The following CPNE9 variants were observed in gnomAD, a reference collection of about 807,000 sequenced individuals.
CPNE9 encodes the protein copine family member 9, also known as copine-9.
In CPNE9, 59 loss-of-function variants were observed where a neutral mutation model predicts 83.0. The ratio of observed to expected loss-of-function variants is 0.71; its 90% CI spans 0.58 to 0.88. The LOEUF is 0.88. Among genes scored for constraint, CPNE9 ranks in the 40% least tolerant of loss-of-function variants. The pLI is 0.00. For synonymous variants in CPNE9, 256 were observed against 273.4 expected (o/e 0.94, Z 0.63); for missense variants, 619 against 720.8 (o/e 0.86, Z 1.62).
At chr3:9,722,137 G>A (rs191435797) in intron 17 of CPNE9, among the ~76,000 whole-genome samples, 1 of 150,336 alleles carries the variant, frequency 6.7e-6, no homozygotes, top group Admixed American at 6.6e-5. Context: ...GGCTGGTCTC[G>A]AACTCCTGAC....
chr3:9,717,155 G>A, intron 15 of CPNE9, 51 bp downstream of exon 15: 1 of 1,581,936 alleles, frequency 6.3e-7, no homozygotes, highest in South Asian at 1.1e-5. Flanking sequence ...ACTTCTAAGG[G>A]AGTCATTAGG....
At chr3:9,705,438 C>T in intron 4 of CPNE9, 26 bp from the exon 5 acceptor site, 1 of 1,491,212 alleles carries the variant, frequency 6.7e-7, no homozygotes, top group Non-Finnish European at 9.2e-7. Context: ...CAGCCCCACC[C>T]CACACCGGTT....
rs553254774 is a variant in CPNE9, at chr3:9,723,918, T to C, written c.1242-2031T>C. 2.0e-4 allele frequency among the ~76,000 whole-genome samples: 30 copies of C among 152,340 alleles called. No individual in the cohort carries two copies. In the East Asian group the frequency reaches 5.8e-3, roughly 29 times the overall value. On this transcript the variant is annotated intron_variant, in intron 17 of 20. Coordinates refer to ENST00000383832, the MANE Select transcript of CPNE9 (RefSeq NM_153635.3). ...TTGAGATCAGGTTTCAATACAGTAC[T>C]GTCCAATAGCACTTTCTGCAATGAT...
At chr3:9,721,684 A>G (rs1319495492) in intron 17 of CPNE9, among the ~76,000 whole-genome samples, 1 of 152,194 alleles carries the variant, frequency 6.6e-6, no homozygotes, top group Non-Finnish European at 1.5e-5. Context: ...CAGAGGCATG[A>G]AGGGGCAAGT....
chr3:9,729,519 C>T lies in CPNE9; in HGVS notation c.1489C>T (p.Arg497Ter). 1.2e-6 allele frequency: 2 copies of T among 1,612,980 alleles called. No homozygotes were observed. Among genetic ancestry groups the T allele is most frequent in the African/African-American group, 1.3e-5 (1 of 74,974 alleles). ...GTGCCTGACCCAGTTCGTCCCATTC[C>T]GAGACTATGTTGACCGGTCGGGGAA... is the stretch of plus-strand genomic sequence containing the variant. ...ERDIVQFVPF[R>*]DYVDRSGNQV... Residue 497 changes from arginine to a stop codon, truncating the protein, a stop_gained, in exon 21 of 21, where the codon CGA becomes TGA. Transcript: ENST00000383832. LOFTEE classifies it high-confidence loss of function.
At position 9,703,991 on chromosome 3, in the gene CPNE9, C is replaced by T. The variant is rs770449144; in HGVS notation, c.-6C>T. The T allele has an allele frequency of 7.5e-6, 12 of 1,602,508 alleles. No homozygotes were observed. Among genetic ancestry groups the T allele is most frequent in the Admixed American group, 6.7e-5 (4 of 59,538 alleles). On this transcript the variant is annotated 5_prime_UTR_variant, in exon 1 of 21. Transcript: ENST00000383832. ...GCCTCCTGCGGCTCTGGTCGCCCGA[C>T]CAGCCATGTCTCTCGGCGGAGCCTC...
At chr3:9,727,290 C>T (rs983713108) in intron 20 of CPNE9, 104 bp downstream of exon 20, 3 of 1,194,048 alleles carry the variant, frequency 2.5e-6, no homozygotes, top group South Asian at 2.4e-5. Flanking sequence ...CTACTTTTTT[C>T]CCCCGTCACT....
intron 17 of CPNE9, among the ~76,000 whole-genome samples, chr3:9,719,307 T>G (rs2076713279): frequency 6.6e-6 from 1 of 152,172 alleles, no homozygotes; most frequent in Non-Finnish European, 1.5e-5. Context: ...GGGATGACTG[T>G]ACCTTATTAT....
rs1481943656 is a variant in CPNE9 at position 9,715,304 on chromosome 3, T to C, written c.708T>C (p.Gly236=). ...CTCATTGCAGCCACGATTTCATTGG[T>C]GAGTTCACCACCAGCTACCGGGAGC... ...WDRDGSHDFI[G]EFTTSYRELS... Residue 236 remains glycine (G), a synonymous_variant, in exon 12 of 21, where the codon GGT becomes GGC. Coordinates refer to ENST00000383832, the MANE Select transcript of CPNE9 (RefSeq NM_153635.3). 1 of 1,613,802 alleles carries C rather than the reference T, an allele frequency of 6.2e-7. No individual in the cohort carries two copies. Among genetic ancestry groups the C allele is most frequent in the East Asian group, 2.2e-5 (1 of 44,882 alleles).
chr3:9,716,921 C>A, intron 14 of CPNE9, 137 bp from the exon 15 acceptor site: 1 of 874,808 alleles, frequency 1.1e-6, no homozygotes, highest in Non-Finnish European at 1.8e-6. Flanking sequence ...GTTTGTTAGG[C>A]TCTACCCAGA....
At chr3:9,705,959 G>C (rs1314930987) in intron 6 of CPNE9, 28 bp from the exon 7 acceptor site, 6 of 1,609,524 alleles carry the variant, frequency 3.7e-6, no homozygotes, top group Non-Finnish European at 3.4e-6. Context: ...AAGAGCTTCT[G>C]GTCTTGCTGA....
chr3:9,725,622 AT>A (rs1432966728), intron 17 of CPNE9, among the ~76,000 whole-genome samples: 1 of 88,504 alleles, frequency 1.1e-5, no homozygotes, highest in African/African-American at 8.1e-5. Flanking sequence ...ATACATGTGT[AT>A]ATATATGTAT....
intron 7 of CPNE9, among the ~76,000 whole-genome samples, chr3:9,709,769 C>T (rs1481030206): frequency 1.3e-5 from 2 of 151,764 alleles, no homozygotes; most frequent in Non-Finnish European, 2.9e-5. Flanking sequence ...GCAGGTGTAT[C>T]ACCTGAGGTC....
chr3:9,727,250 G>A, intron 20 of CPNE9, 64 bp downstream of exon 20: 2 of 1,564,972 alleles, frequency 1.3e-6, no homozygotes, highest in South Asian at 2.2e-5. Context: ...TAAGTTGGGA[G>A]CCACTTTCAC....
Position 9,704,568 on chromosome 3 carries a change from G to C in CPNE9, c.69-19G>C. ...GACTCCAGGATGATCCACTCTGTCT[G>C]TCTGTTGCTTTTCTCTAGGAACCTG... On this transcript the variant is annotated intron_variant, in intron 1 of 20. Coordinates refer to ENST00000383832, the MANE Select transcript of CPNE9 (RefSeq NM_153635.3). The surrounding 1 kb of genome is among the most constrained non-coding windows in gnomAD (Gnocchi z 7.1). 1.2e-6 allele frequency: 2 copies of C among 1,610,528 alleles called. No homozygotes were observed. The highest frequency in any genetic ancestry group is 2.2e-5 in the South Asian group (2 of 91,006).
chr3:9,727,548 G>T, intron 20 of CPNE9: 1 of 621,852 alleles, frequency 1.6e-6, no homozygotes, highest in Non-Finnish European at 2.9e-6. Flanking sequence ...GTCAGGAAAG[G>T]GTTCTTTAGC....
rs201939446 is a variant in CPNE9 at position 9,724,188 on chromosome 3, C to CTTT, written c.1242-1746_1242-1744dup. Among the ~76,000 whole-genome samples the CTTT allele has an allele frequency of 2.1e-4, 29 of 136,432 alleles. No homozygotes were observed. The South Asian group carries it at 5.5e-3, about 26-fold the overall frequency. 89.5% of individuals were successfully genotyped at this position (136,432 alleles called of 152,430 possible). A position where few individuals can be genotyped will look rare whatever the true frequency, so the allele number is the denominator to read the frequency against. On this transcript the variant is annotated intron_variant, in intron 17 of 20. Coordinates refer to ENST00000383832, the MANE Select transcript of CPNE9 (RefSeq NM_153635.3). ...CACTACCTTTGTGCCCTCTCTAGGT[C>CTTT]TTTTTTTTTTTTTTTTTGAATATGC...
In CPNE9 at chr3:9,716,016, G is replaced by A. The variant is rs1559641295; in HGVS notation, c.865G>A (p.Val289Ile). ...CTCTGTGGACTCTGAATTCACTTTT[G>A]TTGATTACATCAAGGGAGGGTGAGT... ...SFSVDSEFTF[V>I]DYIKGGTQLN... Residue 289 changes from valine (V) to isoleucine (I), a missense_variant, in exon 14 of 21, where the codon GTT (valine) becomes ATT (isoleucine). Val to Ile is a conservative substitution (Grantham distance 29). Coordinates refer to ENST00000383832, the MANE Select transcript of CPNE9 (RefSeq NM_153635.3). The A allele has an allele frequency of 1.2e-6, 2 of 1,610,758 alleles. No individual in the cohort carries two copies. The highest frequency in any genetic ancestry group is 1.7e-5 in the Admixed American group (1 of 59,670).
At position 9,715,328 on chromosome 3, in the gene CPNE9, G is replaced by A; in HGVS notation, c.732G>A (p.Glu244=). ...FIGEFTTSYR[E]LSKAQNQFTV... Reference sequence around the variant, plus strand: ...GTGAGTTCACCACCAGCTACCGGGAGCTGAGCAAGGCCCAGAACCAGTTCA... The same window carrying A: ...GTGAGTTCACCACCAGCTACCGGGAACTGAGCAAGGCCCAGAACCAGTTCA... The change falls in exon 12 of 21, where the codon GAG becomes GAA. Residue 244 remains glutamate, a synonymous_variant. Coordinates refer to ENST00000383832, the MANE Select transcript of CPNE9 (RefSeq NM_153635.3). 7 of 1,614,238 alleles carry A rather than the reference G, an allele frequency of 4.3e-6. No homozygotes were observed. The highest frequency in any genetic ancestry group is 5.9e-6 in the Non-Finnish European group (7 of 1,180,052).
Sources: allele counts gnomAD v4.1 joint callset (sites outside exome capture counted in the v4.1 genomes callset), GRCh38; gene constraint gnomAD v4.1.1; non-coding constraint Gnocchi (gnomAD v3.1); transcripts MANE v1.5; gene names NCBI Gene and HGNC (gene_info 2026-07-23, HGNC 2026-07-21).